GSN: variants seen among roughly 807,000 people sequenced by gnomAD.
GSN encodes the protein gelsolin.
GSN carries 56 observed loss-of-function variants against 85.7 expected under a neutral mutation model. That is an observed-to-expected ratio of 0.65 (90% CI 0.53 to 0.82). The LOEUF is 0.82. Among genes scored for constraint, GSN ranks in the 40% least tolerant of loss-of-function variants. The pLI is 0.00. For missense variants in GSN, 857 were observed against 979.8 expected, an observed-to-expected ratio of 0.87 and a Z score of 1.67; for synonymous variants, 373 against 399.1, an observed-to-expected ratio of 0.93 and a Z score of 0.78.
intron 4 of GSN, among the ~76,000 whole-genome samples, chr9:121,218,734 G>A (rs1216318968): frequency 6.6e-6 from 1 of 152,216 alleles, no homozygotes; most frequent in Non-Finnish European, 1.5e-5. Context: ...TAGCTTATTG[G>A]TGGAGACAGC....
chr9:121,247,670 C>T (rs78482925), intron 5 of GSN, among the ~76,000 whole-genome samples: 3,043 of 152,284 alleles, frequency 0.02, 50 homozygotes, highest in Middle Eastern at 0.048. Flanking sequence ...TCATTTGAAT[C>T]AGGAGGAAAA....
At chr9:121,324,306 G>A (rs1589190139) in intron 11 of GSN, among the ~76,000 whole-genome samples, 1 of 152,362 alleles carries the variant, frequency 6.6e-6, no homozygotes, top group Middle Eastern at 3.4e-3. Context: ...CCAGTCTCCT[G>A]TGGGACACAT....
intron 6 of GSN, among the ~76,000 whole-genome samples, chr9:121,258,382 G>C (rs188771442): frequency 7.2e-5 from 11 of 151,968 alleles, no homozygotes; most frequent in Admixed American, 7.2e-4. Flanking sequence ...AGAATTGCTT[G>C]AACCCAGGAG....
chr9:121,326,702 A>G lies in GSN; in HGVS notation c.1587+20A>G, dbSNP rs1478708296. The G allele has an allele frequency of 6.2e-7, 1 of 1,606,052 alleles. No individual in the cohort carries two copies. The highest frequency in any genetic ancestry group is 8.5e-7 in the Non-Finnish European group (1 of 1,173,964). On this transcript the variant is annotated intron_variant, in intron 13 of 17. Transcript: ENST00000432226. ...GTTGAGGTAATTTCCAGGTCCTGGAACACAGAAGGGATTGGCCTCCCTGAA... is the reference window on the plus strand; with the variant it reads ...GTTGAGGTAATTTCCAGGTCCTGGAGCACAGAAGGGATTGGCCTCCCTGAA...
intron 12 of GSN, among the ~76,000 whole-genome samples, chr9:121,325,144 T>C (rs1488773196): frequency 1.3e-5 from 2 of 152,224 alleles, no homozygotes; most frequent in African/African-American, 4.8e-5. Flanking sequence ...AAGATTGCTG[T>C]GAGGATTAAG....
At position 121,282,511 on chromosome 9, in the gene GSN, C is replaced by T. The variant is rs538439134; in HGVS notation, c.-10+949C>T. On this transcript the variant is annotated intron_variant, in intron 2 of 17. Coordinates refer to ENST00000432226, the MANE Select transcript of GSN (RefSeq NM_198252.3). The stretch of plus-strand genomic sequence containing the variant: ...GCTGGCTTCCAGATGGTGACATGAG[C>T]CACCCACAGCCGGAGCTGTTCCTCT... 2.4e-6 allele frequency: 3 copies of T among 1,255,894 alleles called. 1 individual carries two copies. In the South Asian group the frequency reaches 1.2e-4, roughly 49 times the overall value. The allele number at this position is 1,255,894 out of a possible 1,614,324, so 77.8% of individuals were successfully genotyped here.
chr9:121,302,750 T>C (rs2060016946), intron 3 of GSN, among the ~76,000 whole-genome samples, 161 bp from the exon 4 acceptor site: 1 of 152,218 alleles, frequency 6.6e-6, no homozygotes, highest in South Asian at 2.1e-4. Context: ...TCCATCGTCC[T>C]GTTATACAGA....
chr9:121,269,872 C>T (rs941547724), intron 1 of GSN, among the ~76,000 whole-genome samples: 3 of 152,164 alleles, frequency 2.0e-5, no homozygotes, highest in East Asian at 1.9e-4. Context: ...CCTTCCTCCC[C>T]GCCTCCCTCC....
chr9:121,229,469 C>T (rs1304860576), intron 4 of GSN, among the ~76,000 whole-genome samples: 2 of 152,210 alleles, frequency 1.3e-5, no homozygotes, highest in Non-Finnish European at 2.9e-5. Flanking sequence ...ATCCACCCGC[C>T]TCAGCTTCCC....
intron 2 of GSN, chr9:121,209,455 A>AC (rs1221073126): frequency 6.6e-6 from 1 of 152,140 alleles, no homozygotes; most frequent in Non-Finnish European, 1.5e-5. Flanking sequence ...GGGAAGAAAT[A>AC]CCAGTGGAAG....
rs770905678 is a variant in GSN, at chr9:121,299,879, C to T, written c.-9-2084C>T. 2 of 1,324,290 alleles carry T rather than the reference C, an allele frequency of 1.5e-6. No homozygotes were observed. The allele number at this position is 1,324,290 out of a possible 1,614,324, so 82.0% of individuals were successfully genotyped here. On this transcript the variant is annotated intron_variant, in intron 2 of 17. Coordinates refer to ENST00000432226, the MANE Select transcript of GSN (RefSeq NM_198252.3). The surrounding 1 kb of genome is among the most constrained non-coding windows in gnomAD (Gnocchi z 4.2). ...TCGCCACCATGGCTCCGCACCGCCC[C>T]GCGCCCGCGCTGCTTTGCGCGCTGT...
chr9:121,329,269 A>G lies in GSN; in HGVS notation c.1919A>G (p.Glu640Gly). Residue 640 changes from glutamate to glycine, a missense_variant, in exon 16 of 18, where the codon GAA becomes GGA. Coordinates refer to ENST00000432226, the MANE Select transcript of GSN (RefSeq NM_198252.3). The surrounding 1 kb of genome is among the most constrained non-coding windows in gnomAD (Gnocchi z 4.6). ...GAGGTTCCTGGTGAGCTCATGCAGG[A>G]AGACCTGGCAACGGATGACGTCATG... ...IEEVPGELMQ[E>G]DLATDDVMLL... 1 of 1,612,690 alleles carries G rather than the reference A, an allele frequency of 6.2e-7. No individual in the cohort carries two copies. Among genetic ancestry groups the G allele is most frequent in the Non-Finnish European group, 8.5e-7 (1 of 1,178,736 alleles).
chr9:121,310,651 C>G (rs768042652), intron 4 of GSN, 33 bp from the exon 5 acceptor site: 1 of 1,611,526 alleles, frequency 6.2e-7, no homozygotes, highest in Non-Finnish European at 8.5e-7. Context: ...GGGCCTTCTC[C>G]CCTGGGCTAA....
intron 1 of GSN, among the ~76,000 whole-genome samples, chr9:121,275,882 A>G (rs755860709): frequency 6.6e-5 from 10 of 152,238 alleles, no homozygotes; most frequent in Non-Finnish European, 1.0e-4. Context: ...CTTATTTAGC[A>G]AATAAAAAAC....
intron 4 of GSN, among the ~76,000 whole-genome samples, chr9:121,212,907 C>A (rs1466612356): frequency 6.6e-6 from 1 of 152,120 alleles, no homozygotes; most frequent in East Asian, 1.9e-4. Flanking sequence ...CCTCGGCCTC[C>A]CAAAGTGCTG....
chr9:121,311,253 T>G, intron 5 of GSN: 1 of 282,082 alleles, frequency 3.5e-6, no homozygotes, highest in Non-Finnish European at 6.9e-6. Flanking sequence ...ATACATGTAG[T>G]TGCACATGCC....
chr9:121,202,727 A>G, the GSN span, among the ~76,000 whole-genome samples: 2 of 152,314 alleles, frequency 1.3e-5, no homozygotes, highest in East Asian at 1.9e-4. Flanking sequence ...ATGTATAAAT[A>G]TTTAACATAT....
chr9:121,310,983 T>A, intron 5 of GSN, 138 bp downstream of exon 5: 2 of 760,204 alleles, frequency 2.6e-6, no homozygotes, highest in Middle Eastern at 7.1e-4. Context: ...CGTACAGATA[T>A]GTCTGTATGC....
At chr9:121,285,890 G>T (rs530883552) in intron 2 of GSN, among the ~76,000 whole-genome samples, 30 of 152,302 alleles carry the variant, frequency 2.0e-4, no homozygotes, top group African/African-American at 7.0e-4. Flanking sequence ...AGGCAGGCAG[G>T]TTCTTCCCCC....
Sources: allele counts gnomAD v4.1 joint callset (sites outside exome capture counted in the v4.1 genomes callset), GRCh38; gene constraint gnomAD v4.1.1; non-coding constraint Gnocchi (gnomAD v3.1); transcripts MANE v1.5; gene names NCBI Gene and HGNC (gene_info 2026-07-23, HGNC 2026-07-21).